The following SYN3 variants were observed in gnomAD, a reference collection of about 807,000 sequenced individuals.
The protein encoded by SYN3 is synapsin-3.
SYN3 carries 35 observed loss-of-function variants against 65.8 expected under a neutral mutation model. The observed-to-expected ratio is 0.53, with a 90% confidence interval of 0.41 to 0.70. The LOEUF is 0.70. Among genes scored for constraint, SYN3 ranks in the 30% least tolerant of loss-of-function variants. The pLI is 0.00. For missense variants in SYN3, 680 were observed against 749.0 expected, an observed-to-expected ratio of 0.91 and a Z score of 1.08; for synonymous variants, 270 against 292.9, an observed-to-expected ratio of 0.92 and a Z score of 0.80.
chr22:32,786,512 G>A (rs374646441), intron 6 of SYN3, among the ~76,000 whole-genome samples: 6 of 151,910 alleles, frequency 3.9e-5, no homozygotes, highest in East Asian at 1.9e-4. Context: ...ACAGGTGCCC[G>A]CCACCACGCC....
chr22:32,689,665 G>C (rs1305041706), intron 6 of SYN3, among the ~76,000 whole-genome samples: 2 of 152,184 alleles, frequency 1.3e-5, no homozygotes, highest in African/African-American at 4.8e-5. Flanking sequence ...GAGGAGACTA[G>C]AGCCCAGAGA....
At chr22:32,890,158 A>C (rs564877589) in intron 4 of SYN3, among the ~76,000 whole-genome samples, 1 of 145,754 alleles carries the variant, frequency 6.9e-6, no homozygotes, top group East Asian at 2.0e-4. Context: ...AGCTCACTAC[A>C]GACTCAACCT....
At chr22:32,772,008 G>A (rs981931420) in intron 6 of SYN3, among the ~76,000 whole-genome samples, 2 of 152,092 alleles carry the variant, frequency 1.3e-5, no homozygotes, top group African/African-American at 4.8e-5. Flanking sequence ...GCATGAGGCT[G>A]CACTAGGCTG....
chr22:32,625,709 C>T (rs1191690583), intron 6 of SYN3, among the ~76,000 whole-genome samples: 1 of 152,184 alleles, frequency 6.6e-6, no homozygotes, highest in South Asian at 2.1e-4. Flanking sequence ...CCCACCTCTT[C>T]CCCTGACAGT....
chr22:32,920,760 T>C (rs2050316114), intron 4 of SYN3, among the ~76,000 whole-genome samples: 1 of 152,176 alleles, frequency 6.6e-6, no homozygotes, highest in Non-Finnish European at 1.5e-5. Context: ...TGGGTCCCTG[T>C]TGGCAGCATC....
chr22:32,545,233 T>C (rs527688194), intron 7 of SYN3, among the ~76,000 whole-genome samples: 1 of 152,328 alleles, frequency 6.6e-6, no homozygotes, highest in Non-Finnish European at 1.5e-5. Context: ...ACCATGGTAG[T>C]TCCAGGCCAG....
intron 1 of SYN3, among the ~76,000 whole-genome samples, chr22:33,052,322 G>A (rs1260582571): frequency 6.6e-6 from 1 of 152,090 alleles, no homozygotes; most frequent in Non-Finnish European, 1.5e-5. Context: ...GCCCGTCCCC[G>A]GTGGCAAGGA....
At chr22:32,644,647 C>T (rs997867849) in intron 6 of SYN3, among the ~76,000 whole-genome samples, 4 of 152,184 alleles carry the variant, frequency 2.6e-5, no homozygotes, top group Non-Finnish European at 4.4e-5. Context: ...TTTCCCTTTC[C>T]ACCACCACTG....
chr22:32,830,673 C>T (rs1190694305), intron 6 of SYN3, among the ~76,000 whole-genome samples: 1 of 152,190 alleles, frequency 6.6e-6, no homozygotes, highest in African/African-American at 2.4e-5. Context: ...CCCCCGCCCC[C>T]GCAATACCAC....
At chr22:32,768,088 G>C (rs976655808) in intron 6 of SYN3, among the ~76,000 whole-genome samples, 1 of 152,048 alleles carries the variant, frequency 6.6e-6, no homozygotes, top group Admixed American at 6.6e-5. Flanking sequence ...TCCTTCCAAA[G>C]TTCCAATTAT....
At chr22:33,002,563 G>A (rs1248435685) in intron 2 of SYN3, among the ~76,000 whole-genome samples, 2 of 152,274 alleles carry the variant, frequency 1.3e-5, no homozygotes, top group African/African-American at 4.8e-5. Flanking sequence ...AGAATCACTT[G>A]AACCTGGGAG....
chr22:32,971,413 A>G (rs2052015167), intron 3 of SYN3, among the ~76,000 whole-genome samples: 1 of 152,220 alleles, frequency 6.6e-6, no homozygotes, highest in Non-Finnish European at 1.5e-5. Flanking sequence ...CAAGCCAAAC[A>G]AATAAATCTT....
chr22:33,050,479 CAAAAAAA>C (rs58653594), intron 1 of SYN3, among the ~76,000 whole-genome samples: 92 of 108,516 alleles, frequency 8.5e-4, no homozygotes, highest in Non-Finnish European at 1.2e-3. Flanking sequence ...GAGACTGTTT[CAAAAAAA>C]AAAAAAAAAA....
intron 1 of SYN3, among the ~76,000 whole-genome samples, chr22:33,051,323 C>G (rs2068324): frequency 2.0e-5 from 3 of 151,956 alleles, no homozygotes; most frequent in Non-Finnish European, 4.4e-5. Context: ...TTTGGAGGAC[C>G]GCAAGAGATA....
chr22:32,671,492 C>T (rs969576447), intron 6 of SYN3, among the ~76,000 whole-genome samples: 92 of 152,174 alleles, frequency 6.0e-4, no homozygotes, highest in African/African-American at 2.1e-3. Flanking sequence ...CACATGCTGT[C>T]GCACAGGTGC....
chr22:32,877,695 C>T (rs1369659152), intron 4 of SYN3, among the ~76,000 whole-genome samples: 1 of 152,136 alleles, frequency 6.6e-6, no homozygotes, highest in Admixed American at 6.5e-5. Context: ...ATCACTGTCC[C>T]CCTTCTCCGC....
At chr22:32,574,220 C>G (rs554186004) in intron 7 of SYN3, among the ~76,000 whole-genome samples, 2 of 152,014 alleles carry the variant, frequency 1.3e-5, no homozygotes, top group Non-Finnish European at 2.9e-5. Flanking sequence ...GTGGCTCACA[C>G]CCACAATCCC....
At chr22:32,953,009 G>T (rs548133919) in intron 3 of SYN3, among the ~76,000 whole-genome samples, 1 of 152,304 alleles carries the variant, frequency 6.6e-6, no homozygotes, top group South Asian at 2.1e-4. Context: ...AAAGCTCTTA[G>T]CAAGGTGCTT....
At chr22:32,773,328 A>G (rs558941993) in intron 6 of SYN3, among the ~76,000 whole-genome samples, 1 of 146,620 alleles carries the variant, frequency 6.8e-6, no homozygotes, top group Non-Finnish European at 1.5e-5. Context: ...AATTGCTTGA[A>G]CCCTGGAGGC....
Sources: allele counts gnomAD v4.1 joint callset (sites outside exome capture counted in the v4.1 genomes callset), GRCh38; gene constraint gnomAD v4.1.1; transcripts MANE v1.5; gene names NCBI Gene and HGNC (gene_info 2026-07-23, HGNC 2026-07-21).